PSTPIP2: variants seen among roughly 807,000 people sequenced by gnomAD.
PSTPIP2 encodes the protein proline-serine-threonine phosphatase-interacting protein 2.
Under a neutral mutation model 63.3 loss-of-function variants are expected in PSTPIP2, and 33 were observed. That is an observed-to-expected ratio of 0.52 (90% CI 0.40 to 0.70). The LOEUF (loss-of-function observed/expected upper bound fraction) is 0.70. Among genes scored for constraint, PSTPIP2 ranks in the 30% least tolerant of loss-of-function variants. PSTPIP2 has a pLI of 0.00. For missense variants in PSTPIP2, 312 were observed against 400.7 expected, an observed-to-expected ratio of 0.78 and a Z score of 1.89; for synonymous variants, 125 against 132.7, an observed-to-expected ratio of 0.94 and a Z score of 0.40.
At chr18:46,046,966 AG>A (rs1257857681) in intron 1 of PSTPIP2, among the ~76,000 whole-genome samples, 3 of 152,366 alleles carry the variant, frequency 2.0e-5, no homozygotes, top group East Asian at 3.9e-4. Context: ...CCACAAACAC[AG>A]TGAGACAGAA....
chr18:46,064,268 CTTTCTT>C (rs1909091700), intron 1 of PSTPIP2, among the ~76,000 whole-genome samples: 1 of 125,662 alleles, frequency 8.0e-6, no homozygotes, highest in African/African-American at 3.0e-5. Flanking sequence ...TTTTTTTCTT[CTTTCTT>C]TTTCTTTCTT....
At chr18:46,012,703 G>A (rs1334148685) in intron 4 of PSTPIP2, among the ~76,000 whole-genome samples, 2 of 152,202 alleles carry the variant, frequency 1.3e-5, no homozygotes, top group African/African-American at 2.4e-5. Flanking sequence ...AACCCAAGAG[G>A]TGGAGTTTGC....
chr18:46,004,862 T>A (rs1403374149), intron 6 of PSTPIP2, among the ~76,000 whole-genome samples: 1 of 152,212 alleles, frequency 6.6e-6, no homozygotes, highest in Non-Finnish European at 1.5e-5. Context: ...TTACTGGGTA[T>A]ACACCCAGAG....
At position 45,991,714 on chromosome 18, in the gene PSTPIP2, C is replaced by T. The variant is rs551126434; in HGVS notation, c.920+188G>A. Among the ~76,000 whole-genome samples, 4 of 152,260 alleles carry T rather than the reference C, an allele frequency of 2.6e-5. No individual in the cohort carries two copies. In the East Asian group the frequency reaches 5.8e-4, roughly 22 times the overall value. ...GATCAAGTTCAAGCATGATATACTC[C>T]TCCCTGAACTATGACTATTAAAATC... On this transcript the variant is annotated intron_variant, in intron 12 of 14. Coordinates refer to ENST00000409746, the MANE Select transcript of PSTPIP2 (RefSeq NM_024430.4).
chr18:45,992,295 G>T, intron 10 of PSTPIP2, 93 bp from the exon 11 acceptor site: 2 of 1,045,184 alleles, frequency 1.9e-6, no homozygotes, highest in Non-Finnish European at 1.4e-6. Context: ...GGGCGCAGTG[G>T]CTCATGTCTG....
chr18:45,992,207 T>C lies in PSTPIP2; in HGVS notation c.742-5A>G, dbSNP rs77356397. The stretch of plus-strand genomic sequence containing the variant: ...CTTTCGGACTTGTTCGTACATCTAA[T>C]AAAAAAAGGTCAATTAATAGGTAGA... On this transcript the variant is annotated splice_region_variant and splice_polypyrimidine_tract_variant and intron_variant, in intron 10 of 14. Coordinates refer to ENST00000409746, the MANE Select transcript of PSTPIP2 (RefSeq NM_024430.4). 2 of 1,542,148 alleles carry C rather than the reference T, an allele frequency of 1.3e-6. No individual in the cohort carries two copies. Among genetic ancestry groups the C allele is most frequent in the Non-Finnish European group, 8.7e-7 (1 of 1,142,902 alleles).
intron 6 of PSTPIP2, among the ~76,000 whole-genome samples, chr18:46,002,915 C>T (rs1361361719): frequency 6.6e-6 from 1 of 152,200 alleles, no homozygotes; most frequent in Non-Finnish European, 1.5e-5. Context: ...TCTTTCTTTT[C>T]ATGGAGTTTC....
chr18:46,050,780 G>A (rs1244541790), intron 1 of PSTPIP2, among the ~76,000 whole-genome samples: 1 of 151,872 alleles, frequency 6.6e-6, no homozygotes, highest in Non-Finnish European at 1.5e-5. Flanking sequence ...ACTTGTTAAT[G>A]TACAGGTCCA....
At chr18:46,049,905 AC>A (rs1908529358) in intron 1 of PSTPIP2, among the ~76,000 whole-genome samples, 1 of 152,062 alleles carries the variant, frequency 6.6e-6, no homozygotes, top group African/African-American at 2.4e-5. Context: ...AAAAAGAACA[AC>A]CAATTTTCTC....
intron 1 of PSTPIP2, among the ~76,000 whole-genome samples, chr18:46,043,268 G>A (rs1424576596): frequency 2.1e-5 from 3 of 145,218 alleles, no homozygotes; most frequent in Non-Finnish European, 4.5e-5. Context: ...TGGTGTGCCT[G>A]TAGTCCCAGC....
intron 13 of PSTPIP2, 142 bp from the exon 14 acceptor site, chr18:45,988,901 T>C (rs1472404286): frequency 1.5e-6 from 1 of 683,542 alleles, no homozygotes; most frequent in Non-Finnish European, 2.6e-6. Flanking sequence ...CAACAAAAAC[T>C]ATAAATGGTA....
At chr18:46,029,027 TATATCACTATTTC>T (rs1174959347) in intron 2 of PSTPIP2, 1 of 810,480 alleles carries the variant, frequency 1.2e-6, no homozygotes, top group Non-Finnish European at 2.2e-6. Flanking sequence ...TTAGATAACC[TATATCACTATTTC>T]AGGTTGATGG....
intron 10 of PSTPIP2, among the ~76,000 whole-genome samples, chr18:45,992,952 C>T (rs1370701077): frequency 6.6e-6 from 1 of 152,188 alleles, no homozygotes; most frequent in South Asian, 2.1e-4. Context: ...TCTCGAACTC[C>T]TGACCACAGG....
At chr18:46,028,240 G>C in intron 2 of PSTPIP2, 1 of 399,766 alleles carries the variant, frequency 2.5e-6, no homozygotes, top group East Asian at 6.6e-5. Flanking sequence ...GATGCCGCGG[G>C]AACTGAGGAG....
intron 2 of PSTPIP2, among the ~76,000 whole-genome samples, chr18:46,030,387 T>G (rs1321684232): frequency 6.6e-6 from 1 of 152,218 alleles, no homozygotes. Context: ...AGGATAGAGA[T>G]ATGAAAACAT....
intron 5 of PSTPIP2, among the ~76,000 whole-genome samples, chr18:46,006,716 T>C (rs1435353465): frequency 1.3e-5 from 2 of 152,160 alleles, no homozygotes; most frequent in African/African-American, 2.4e-5. Flanking sequence ...GGTAAATGCC[T>C]CGCTTGGGAG....
intron 4 of PSTPIP2, among the ~76,000 whole-genome samples, chr18:46,011,822 T>C (rs1402036780): frequency 6.6e-6 from 1 of 152,174 alleles, no homozygotes; most frequent in African/African-American, 2.4e-5. Context: ...AAGAAAAGAA[T>C]AAATACTTGT....
chr18:46,072,064 C>G, intron 1 of PSTPIP2, 92 bp downstream of exon 1: 1 of 1,426,466 alleles, frequency 7.0e-7, no homozygotes, highest in Non-Finnish European at 9.2e-7. Flanking sequence ...CGAGTGGCGC[C>G]GGAGCTGGGG....
At chr18:45,993,149 C>T (rs2051556951) in intron 10 of PSTPIP2, among the ~76,000 whole-genome samples, 1 of 152,174 alleles carries the variant, frequency 6.6e-6, no homozygotes, top group African/African-American at 2.4e-5. Flanking sequence ...GGCTGGAGTG[C>T]AGTGGCACGA....
Sources: allele counts gnomAD v4.1 joint callset (sites outside exome capture counted in the v4.1 genomes callset), GRCh38; gene constraint gnomAD v4.1.1; transcripts MANE v1.5; gene names NCBI Gene and HGNC (gene_info 2026-07-23, HGNC 2026-07-21).